The following ZNF423 variants were observed in gnomAD, a reference collection of about 807,000 sequenced individuals.
ZNF423 encodes Ebf-associated zinc finger protein.
Under a neutral mutation model 95.8 loss-of-function variants are expected in ZNF423, and 12 were observed. The observed-to-expected ratio is 0.13, with a 90% CI of 0.08 to 0.20. The LOEUF (loss-of-function observed/expected upper bound fraction) is 0.20. ZNF423 is among the 10% of genes least tolerant of loss of function. The probability of loss-of-function intolerance (pLI) is 1.00; values close to 1 mark genes in which losing one functional copy is unlikely to be tolerated. For missense variants in ZNF423, 1,316 were observed against 1,737.1 expected (o/e 0.76, Z 4.31); for synonymous variants, 749 against 711.9 (o/e 1.05, Z -0.83).
chr16:49,853,525 C>T (rs529726808), intron 1 of ZNF423, among the ~76,000 whole-genome samples: 146 of 152,264 alleles, frequency 9.6e-4, no homozygotes, highest in African/African-American at 3.2e-3. Flanking sequence ...TCTGACTCTG[C>T]GGACAGAAAG....
intron 5 of ZNF423, among the ~76,000 whole-genome samples, chr16:49,620,496 G>A (rs1034998071): frequency 6.6e-6 from 1 of 152,220 alleles, no homozygotes; most frequent in African/African-American, 2.4e-5. Context: ...AGCATGAAAA[G>A]CAGGCCTCCG....
intron 5 of ZNF423, among the ~76,000 whole-genome samples, chr16:49,528,808 G>A (rs1968725668): frequency 1.3e-5 from 2 of 152,062 alleles, no homozygotes; most frequent in South Asian, 4.2e-4. Flanking sequence ...GGCTGCCCTA[G>A]TTAGTGTGAC....
At chr16:49,842,097 C>G (rs1214773175) in intron 1 of ZNF423, among the ~76,000 whole-genome samples, 2 of 151,058 alleles carry the variant, frequency 1.3e-5, no homozygotes, top group African/African-American at 2.4e-5. Flanking sequence ...ATTAGCCAGG[C>G]ATGGGGGGCA....
In ZNF423 at chr16:49,815,912, ATATTTTTTTTTT is replaced by A. The variant is rs1444286250; in HGVS notation, c.41-26378_41-26367del. On this transcript the variant is annotated intron_variant, in intron 1 of 7. Coordinates refer to ENST00000563137, the MANE Select transcript of ZNF423 (RefSeq NM_001379286.1). Reference sequence around the variant, plus strand: ...TATATATATATATATATATATATATATATTTTTTTTTTTTTTTTTTTTTTGAGACAAAGTCTC... The same window carrying A: ...TATATATATATATATATATATATATATTTTTTTTTTTTGAGACAAAGTCTC... 1.4e-4 allele frequency among the ~76,000 whole-genome samples: 5 copies of A among 36,714 alleles called. No individual in the cohort carries two copies. In the Admixed American group the frequency reaches 1.5e-3, roughly 11 times the overall value. The allele number at this position is 36,714 out of a possible 152,430, so 24.1% of individuals were successfully genotyped here. A position where few individuals can be genotyped will look rare whatever the true frequency, so the allele number is the denominator to read the frequency against.
intron 3 of ZNF423, among the ~76,000 whole-genome samples, chr16:49,718,297 T>G (rs1185683338): frequency 6.6e-6 from 1 of 152,098 alleles, no homozygotes; most frequent in African/African-American, 2.4e-5. Context: ...TCCCAGCTAC[T>G]CAGGAGGCTG....
At chr16:49,541,031 G>A (rs1969228188) in intron 5 of ZNF423, among the ~76,000 whole-genome samples, 1 of 152,136 alleles carries the variant, frequency 6.6e-6, no homozygotes, top group Admixed American at 6.5e-5. Flanking sequence ...TCAGAACCCG[G>A]CTGAAGAACT....
At chr16:49,716,354 G>T (rs2032706149) in intron 3 of ZNF423, among the ~76,000 whole-genome samples, 1 of 152,108 alleles carries the variant, frequency 6.6e-6, no homozygotes, top group Non-Finnish European at 1.5e-5. Context: ...GAGAGGCTGA[G>T]ACACTCCATA....
intron 5 of ZNF423, among the ~76,000 whole-genome samples, chr16:49,572,077 C>T (rs1301557696): frequency 6.6e-6 from 1 of 152,156 alleles, no homozygotes; most frequent in Non-Finnish European, 1.5e-5. Context: ...CTTTCTACAC[C>T]ATCTTAGACA....
At chr16:49,618,452 T>A (rs1971950958) in intron 5 of ZNF423, among the ~76,000 whole-genome samples, 1 of 151,998 alleles carries the variant, frequency 6.6e-6, no homozygotes, top group Non-Finnish European at 1.5e-5. Context: ...ATCATGGAGG[T>A]GGTTTCCCCA....
chr16:49,664,376 G>A (rs1317485655), intron 3 of ZNF423: 1 of 790,514 alleles, frequency 1.3e-6, no homozygotes, highest in South Asian at 5.7e-5. Context: ...CTGGGAAAAG[G>A]CACAGATGGG....
chr16:49,495,225 A>G (rs1444367963), intron 7 of ZNF423, among the ~76,000 whole-genome samples: 1 of 152,160 alleles, frequency 6.6e-6, no homozygotes, highest in Non-Finnish European at 1.5e-5. Flanking sequence ...CAATCCATCC[A>G]CTCAGCAGAG....
At chr16:49,694,245 G>A (rs1338368201) in intron 3 of ZNF423, among the ~76,000 whole-genome samples, 1 of 152,192 alleles carries the variant, frequency 6.6e-6, no homozygotes, top group Non-Finnish European at 1.5e-5. Flanking sequence ...ATCAAAACCT[G>A]TTCTTACTCA....
At position 49,694,462 on chromosome 16, in the gene ZNF423, C is replaced by A. The variant is rs2031895893; in HGVS notation, c.301+36309G>T. ...GTAAAGCTACACACATGATTTTGTG[C>A]CTCCAGCCCTGAACACCTTTTTGGC... On this transcript the variant is annotated intron_variant, in intron 3 of 7. Coordinates refer to ENST00000563137, the MANE Select transcript of ZNF423 (RefSeq NM_001379286.1). Among the ~76,000 whole-genome samples, 4 of 152,202 alleles carry A rather than the reference C, an allele frequency of 2.6e-5. No individual in the cohort carries two copies. The South Asian group carries it at 8.3e-4, about 32-fold the overall frequency.
chr16:49,632,808 G>A (rs924333451), intron 4 of ZNF423, among the ~76,000 whole-genome samples: 1 of 152,190 alleles, frequency 6.6e-6, no homozygotes, highest in African/African-American at 2.4e-5. Flanking sequence ...GATGCCGGAT[G>A]CAGAGCACTC....
At chr16:49,559,724 A>G (rs1277099155) in intron 5 of ZNF423, among the ~76,000 whole-genome samples, 1 of 152,206 alleles carries the variant, frequency 6.6e-6, no homozygotes, top group Admixed American at 6.5e-5. Flanking sequence ...CTACATCAGT[A>G]TCATCAGGAC....
chr16:49,590,176 C>T (rs1353811509), intron 5 of ZNF423, among the ~76,000 whole-genome samples: 1 of 151,604 alleles, frequency 6.6e-6, no homozygotes, highest in Admixed American at 6.6e-5. Flanking sequence ...AGGCAGCAGC[C>T]CTGATGAAGA....
At chr16:49,731,623 G>A (rs2033169901) in intron 2 of ZNF423, among the ~76,000 whole-genome samples, 1 of 151,748 alleles carries the variant, frequency 6.6e-6, no homozygotes, top group Admixed American at 6.6e-5. Context: ...GACCGGCCTG[G>A]GCAATATAGC....
intron 1 of ZNF423, among the ~76,000 whole-genome samples, chr16:49,852,438 A>C (rs1427680845): frequency 6.6e-6 from 1 of 152,210 alleles, no homozygotes; most frequent in Non-Finnish European, 1.5e-5. Context: ...CCATGGGGTG[A>C]AAGGGGACAG....
At chr16:49,825,673 A>G (rs2034997855) in intron 1 of ZNF423, among the ~76,000 whole-genome samples, 1 of 152,182 alleles carries the variant, frequency 6.6e-6, no homozygotes, top group South Asian at 2.1e-4. Context: ...TGAAGCAATT[A>G]AGCTAATTGG....
Sources: gnomAD v4.1 joint callset for allele counts (sites outside exome capture counted in the v4.1 genomes callset) on GRCh38, gnomAD v4.1.1 for gene constraint, MANE v1.5 for transcripts, NCBI Gene and HGNC (gene_info 2026-07-23, HGNC 2026-07-21) for gene names.